The following TMCC1 variants were observed in gnomAD, a reference collection of about 807,000 sequenced individuals.
TMCC1 encodes transmembrane and coiled-coil domain family 1.
In TMCC1, 15 loss-of-function variants were observed where a neutral mutation model predicts 52.4. The observed-to-expected ratio is 0.29, with a 90% confidence interval of 0.19 to 0.44. The LOEUF (loss-of-function observed/expected upper bound fraction) is 0.44. TMCC1 is among the 20% of genes least tolerant of loss of function. The pLI is 1.00. For synonymous variants in TMCC1, 279 were observed against 301.9 expected (o/e 0.92, Z 0.79); for missense variants, 503 against 806.0 (o/e 0.62, Z 4.55).
chr3:129,755,393 A>G lies in TMCC1; in HGVS notation c.576+72410T>C, dbSNP rs1029797254. 1.2e-4 allele frequency among the ~76,000 whole-genome samples: 18 copies of G among 152,210 alleles called. 1 individual carries two copies. Among genetic ancestry groups the G allele is most frequent in the Non-Finnish European group, 2.9e-5 (2 of 68,038 alleles). Reference sequence around the variant, plus strand: ...GAAAAAAATTGGTGAGTTAGATTTCATTAAAAGTGAAAACTATTGATTTGT... The same window carrying G: ...GAAAAAAATTGGTGAGTTAGATTTCGTTAAAAGTGAAAACTATTGATTTGT... On this transcript the variant is annotated intron_variant, in intron 4 of 6. Transcript: ENST00000393238.
chr3:129,838,218 A>G (rs1479324859), intron 2 of TMCC1, among the ~76,000 whole-genome samples: 1 of 152,050 alleles, frequency 6.6e-6, no homozygotes, highest in Non-Finnish European at 1.5e-5. Flanking sequence ...CAGCCTGGGC[A>G]GCATAGGGAG....
At position 129,687,760 on chromosome 3, in the gene TMCC1, C is replaced by G. The variant is rs377299964; in HGVS notation, c.577-16496G>C. Among the ~76,000 whole-genome samples, 7 of 152,344 alleles carry G rather than the reference C, an allele frequency of 4.6e-5. No homozygotes were observed. The East Asian group carries it at 1.3e-3, about 29-fold the overall frequency. ...TGAAAATAGCAGACTCCTTATCCTG[C>G]CTTCCTCCACCTCCATACTTATGTT... On this transcript the variant is annotated intron_variant, in intron 4 of 6. Coordinates refer to ENST00000393238, the MANE Select transcript of TMCC1 (RefSeq NM_001017395.5).
At chr3:129,764,081 T>G (rs1309730734) in intron 4 of TMCC1, among the ~76,000 whole-genome samples, 1 of 152,200 alleles carries the variant, frequency 6.6e-6, no homozygotes, top group Non-Finnish European at 1.5e-5. Flanking sequence ...AAAATCTTCC[T>G]GGTAGACAAA....
chr3:129,656,887 A>C (rs188616197), intron 5 of TMCC1, among the ~76,000 whole-genome samples: 6 of 152,272 alleles, frequency 3.9e-5, no homozygotes, highest in South Asian at 2.1e-4. Context: ...CCATCCCTAG[A>C]ATTGATTTTC....
intron 4 of TMCC1, among the ~76,000 whole-genome samples, chr3:129,769,956 T>C (rs2054422169): frequency 6.6e-6 from 1 of 152,220 alleles, no homozygotes; most frequent in Admixed American, 6.5e-5. Flanking sequence ...AAGATATTTC[T>C]ATAAAGTGAT....
At chr3:129,707,600 CT>C (rs2048340661) in intron 4 of TMCC1, among the ~76,000 whole-genome samples, 2 of 152,310 alleles carry the variant, frequency 1.3e-5, no homozygotes, top group African/African-American at 2.4e-5. Flanking sequence ...ATTACTTTTA[CT>C]TTCTTATAAT....
At chr3:129,854,213 G>A (rs967373334) in intron 2 of TMCC1, among the ~76,000 whole-genome samples, 8 of 151,900 alleles carry the variant, frequency 5.3e-5, no homozygotes, top group African/African-American at 1.9e-4. Context: ...CCAACATGGT[G>A]AAACCCTGTC....
chr3:129,780,228 C>T (rs2055408916), intron 4 of TMCC1, among the ~76,000 whole-genome samples: 1 of 152,108 alleles, frequency 6.6e-6, no homozygotes, highest in Admixed American at 6.6e-5. Context: ...TTCAAGCCCT[C>T]AATTTGATAA....
intron 4 of TMCC1, among the ~76,000 whole-genome samples, chr3:129,812,662 A>C (rs578112226): frequency 7.1e-4 from 108 of 152,276 alleles, no homozygotes; most frequent in Admixed American, 2.7e-3. Context: ...GATAATTTTA[A>C]GCTTAAAAAG....
chr3:129,743,713 C>T (rs991311046), intron 4 of TMCC1, among the ~76,000 whole-genome samples: 6 of 152,078 alleles, frequency 3.9e-5, no homozygotes, highest in East Asian at 3.9e-4. Context: ...AAAAAGGCTA[C>T]GATAGCTGGC....
intron 2 of TMCC1, among the ~76,000 whole-genome samples, chr3:129,854,962 C>T (rs1388023870): frequency 6.6e-6 from 1 of 152,170 alleles, no homozygotes; most frequent in African/African-American, 2.4e-5. Flanking sequence ...AAATGTGTTG[C>T]ATGAATGAAC....
intron 2 of TMCC1, among the ~76,000 whole-genome samples, chr3:129,853,214 A>G (rs1300047874): frequency 6.6e-6 from 1 of 152,140 alleles, no homozygotes; most frequent in East Asian, 1.9e-4. Flanking sequence ...AAACACCAAA[A>G]AACTGTAGTA....
At chr3:129,861,328 T>A (rs1190488328) in intron 2 of TMCC1, among the ~76,000 whole-genome samples, 6 of 151,892 alleles carry the variant, frequency 4.0e-5, no homozygotes, top group Non-Finnish European at 7.4e-5. Flanking sequence ...TAGTCCCAGC[T>A]ACTTGGGAGG....
chr3:129,783,005 T>C (rs1016776816), intron 4 of TMCC1, among the ~76,000 whole-genome samples: 4 of 152,232 alleles, frequency 2.6e-5, no homozygotes, highest in Admixed American at 6.5e-5. Flanking sequence ...TTTGACTTAA[T>C]TTGAGTAACA....
At chr3:129,687,153 C>T (rs1227874016) in intron 4 of TMCC1, among the ~76,000 whole-genome samples, 1 of 152,030 alleles carries the variant, frequency 6.6e-6, no homozygotes, top group Non-Finnish European at 1.5e-5. Context: ...CTTACATAAC[C>T]AATGAGTCAG....
chr3:129,867,701 C>T (rs1308632615), intron 2 of TMCC1, among the ~76,000 whole-genome samples: 11 of 152,166 alleles, frequency 7.2e-5, no homozygotes, highest in Admixed American at 2.6e-4. Context: ...ACAACACTTC[C>T]CAGTTCATCC....
chr3:129,728,888 C>A (rs2050321167), intron 4 of TMCC1, among the ~76,000 whole-genome samples: 1 of 152,088 alleles, frequency 6.6e-6, no homozygotes, highest in African/African-American at 2.4e-5. Context: ...AAGGATGATG[C>A]ATGTATCATA....
In TMCC1 at chr3:129,828,230, T is replaced by G; in HGVS notation, c.149A>C (p.Gln50Pro). The change falls in exon 4 of 7, where the codon CAA (glutamine) becomes CCA (proline). Residue 50 changes from glutamine to proline, a missense_variant. Physicochemically the swap from Gln to Pro is moderately conservative, Grantham distance 76 (BLOSUM62 -1). This residue lies in a region of TMCC1 where 217 missense variants were observed against 297.9 expected (regional missense o/e 0.73). Transcript: ENST00000393238. The surrounding 1 kb of genome is among the most constrained non-coding windows in gnomAD (Gnocchi z 4.1). Reference protein sequence around the residue: ...NALENINVIGQGLKHLFQHQR... With the variant: ...NALENINVIGPGLKHLFQHQR... ...GTGCTGGAAGAGATGCTTCAAGCCT[T>G]GGCCAATCACGTTAATGTTCTCCAA... The G allele has an allele frequency of 1.2e-6, 2 of 1,614,184 alleles. No individual in the cohort carries two copies. Among genetic ancestry groups the G allele is most frequent in the Non-Finnish European group, 1.7e-6 (2 of 1,180,026 alleles).
chr3:129,811,474 G>T (rs1030816258), intron 4 of TMCC1, among the ~76,000 whole-genome samples: 2 of 151,732 alleles, frequency 1.3e-5, no homozygotes, highest in African/African-American at 4.8e-5. Flanking sequence ...TCACTGTGTT[G>T]CCCAGGCTGG....
Sources: gnomAD v4.1 joint callset for allele counts (sites outside exome capture counted in the v4.1 genomes callset) on GRCh38, gnomAD v4.1.1 for gene constraint, gnomAD v4.1.1 regional missense constraint, Gnocchi (gnomAD v3.1) non-coding constraint, MANE v1.5 for transcripts, NCBI Gene and HGNC (gene_info 2026-07-23, HGNC 2026-07-21) for gene names.